The following HUWE1 variants were observed in gnomAD, a reference collection of about 807,000 sequenced individuals.
HUWE1 encodes the protein E3 ubiquitin-protein ligase HUWE1.
A neutral mutation model predicts 299.4 loss-of-function variants in HUWE1; 18 were observed. The observed-to-expected ratio is 0.06, with a 90% CI of 0.04 to 0.09. HUWE1 has a LOEUF of 0.09. HUWE1 is among the 10% of genes least tolerant of loss of function. The pLI is 1.00. For synonymous variants in HUWE1, 1,317 were observed against 1,286.1 expected, an observed-to-expected ratio of 1.02 and a Z score of -0.51; for missense variants, 1,832 against 3,462.3, an observed-to-expected ratio of 0.53 and a Z score of 11.82.
chrX:53,549,708 T>C (rs1244526410), intron 66 of HUWE1, among the ~76,000 whole-genome samples: 2 of 110,359 alleles, frequency 1.8e-5, no homozygotes, highest in Non-Finnish European at 3.8e-5. Context: ...CTGTACATCA[T>C]CCTTTCAGGG....
At chrX:53,675,487 A>G (rs782022563) in intron 3 of HUWE1, among the ~76,000 whole-genome samples, 17 of 111,579 alleles carry the variant, frequency 1.5e-4, no homozygotes, top group Non-Finnish European at 2.8e-4. Flanking sequence ...AGAAATGATG[A>G]CACAAAGGAA....
intron 31 of HUWE1, among the ~76,000 whole-genome samples, chrX:53,593,835 A>T (rs1226436327): frequency 8.9e-6 from 1 of 112,230 alleles, no homozygotes; most frequent in African/African-American, 3.2e-5. Flanking sequence ...GCGGTGGCTC[A>T]CGCCTGTAAT....
intron 19 of HUWE1, among the ~76,000 whole-genome samples, chrX:53,620,386 G>A (rs2066069349): frequency 9.1e-6 from 1 of 109,929 alleles, no homozygotes; most frequent in African/African-American, 3.3e-5. Flanking sequence ...TTCCTGAGTA[G>A]CGCACCAGCA....
intron 67 of HUWE1, 82 bp from the exon 68 acceptor site, chrX:53,548,355 T>A: frequency 9.3e-7 from 1 of 1,076,749 alleles, no homozygotes; most frequent in Non-Finnish European, 1.3e-6. Context: ...AGACAACTGG[T>A]TCCCAGACTC....
At chrX:53,649,872 A>C (rs1320223628) in intron 4 of HUWE1, among the ~76,000 whole-genome samples, 1 of 112,395 alleles carries the variant, frequency 8.9e-6, no homozygotes, top group Non-Finnish European at 1.9e-5. Context: ...TATGTCCCAT[A>C]ACCAGGCATT....
chrX:53,590,936 G>C, intron 34 of HUWE1, 64 bp downstream of exon 34: 3 of 1,180,450 alleles, frequency 2.5e-6, no homozygotes, highest in Non-Finnish European at 2.3e-6. Flanking sequence ...GAATAATAAG[G>C]GGAAAAAGGA....
intron 49 of HUWE1, among the ~76,000 whole-genome samples, chrX:53,567,661 T>C (rs1241978987): frequency 8.9e-6 from 1 of 112,257 alleles, no homozygotes; most frequent in East Asian, 2.8e-4. Context: ...AGAAAGCTTT[T>C]ATTCATAAGC....
At chrX:53,593,631 A>G (rs782066113) in intron 31 of HUWE1, 30 bp from the exon 32 acceptor site, 1 of 1,107,085 alleles carries the variant, frequency 9.0e-7, no homozygotes, top group East Asian at 3.0e-5. Context: ...AGTAGACAGA[A>G]TATTAGTATT....
intron 53 of HUWE1, 72 bp from the exon 54 acceptor site, chrX:53,562,316 G>A: frequency 8.7e-7 from 1 of 1,146,216 alleles, no homozygotes. Flanking sequence ...AGGCCAGCAG[G>A]CTGAGTGGGA....
rs2061748794 is a variant in HUWE1 at position 53,551,197 on chromosome X, G to A, written c.9097-8C>T. ...TCTCTGCTGTGCCAGTACCTATGGA[G>A]CAGAAAAAGTCAATGAGGGCATTTC... is the stretch of plus-strand genomic sequence containing the variant. On this transcript the variant is annotated splice_polypyrimidine_tract_variant and splice_region_variant and intron_variant, in intron 64 of 83. Coordinates refer to ENST00000262854, the MANE Select transcript of HUWE1 (RefSeq NM_031407.7). 2.5e-6 allele frequency: 3 copies of A among 1,211,727 alleles called. No individual in the cohort carries two copies. The highest frequency in any genetic ancestry group is 3.4e-6 in the Non-Finnish European group (3 of 895,447).
In HUWE1 at chrX:53,631,012, C is replaced by T; in HGVS notation, c.785G>A (p.Arg262Gln). ...GTGATTAGAAAAGCCATGGGCCAGT[C>T]GTATGTGTGTAAATAACAGCATCTG... ...DKQMLLFTHI[R>Q]LAHGFSNHRK... Residue 262 changes from arginine (R) to glutamine (Q), a missense_variant, in exon 12 of 84, where the codon CGA (arginine) becomes CAA (glutamine). This residue lies in a region of HUWE1 where 658 missense variants were observed against 1,282.6 expected (regional missense o/e 0.51). Coordinates refer to ENST00000262854, the MANE Select transcript of HUWE1 (RefSeq NM_031407.7). 2 of 1,181,365 alleles carry T rather than the reference C, an allele frequency of 1.7e-6. No individual in the cohort carries two copies. The highest frequency in any genetic ancestry group is 2.3e-6 in the Non-Finnish European group (2 of 868,085).
At position 53,589,694 on chromosome X, in the gene HUWE1, A is replaced by C; in HGVS notation, c.4314T>G (p.Thr1438=). ...AGCCTGGCAACATAGTATCTGTGAA[A>C]GTGTGGAGCTCATCTTGTTCCAACG... The part of the protein sequence containing the change: ...ADPLEQDELH[T]FTDTMLPGCF... Residue 1438 remains threonine, a synonymous_variant, in exon 36 of 84, where the codon ACT becomes ACG. Coordinates refer to ENST00000262854, the MANE Select transcript of HUWE1 (RefSeq NM_031407.7). The C allele has an allele frequency of 8.3e-7, 1 of 1,211,768 alleles. No individual in the cohort carries two copies. Among genetic ancestry groups the C allele is most frequent in the Non-Finnish European group, 1.1e-6 (1 of 895,484 alleles).
At chrX:53,630,418 G>A (rs974713272) in intron 12 of HUWE1, among the ~76,000 whole-genome samples, 1 of 111,556 alleles carries the variant, frequency 9.0e-6, no homozygotes, top group South Asian at 3.8e-4. Flanking sequence ...AATATTAAAC[G>A]AATAAGCTGA....
intron 23 of HUWE1, among the ~76,000 whole-genome samples, chrX:53,611,536 T>C (rs2065470466): frequency 8.9e-6 from 1 of 111,790 alleles, no homozygotes; most frequent in Non-Finnish European, 1.9e-5. Context: ...AAACTGGAAA[T>C]GTAAAATCTG....
chrX:53,588,122 G>A (rs782055542), intron 37 of HUWE1, among the ~76,000 whole-genome samples: 1 of 111,057 alleles, frequency 9.0e-6, no homozygotes, highest in African/African-American at 3.3e-5. Flanking sequence ...ATTAATGCTT[G>A]TTCTCAGAAG....
chrX:53,584,397 A>C, intron 40 of HUWE1, 52 bp from the exon 41 acceptor site: 3 of 990,349 alleles, frequency 3.0e-6, no homozygotes, highest in Non-Finnish European at 4.3e-6. Context: ...TGAATTATAA[A>C]GGTGGGGGAG....
intron 19 of HUWE1, among the ~76,000 whole-genome samples, chrX:53,619,828 G>A (rs414923): frequency 0.34 from 37,653 of 110,626 alleles, 5,674 homozygotes; most frequent in South Asian, 0.51. Flanking sequence ...AGAGAGTAAA[G>A]GAAGGCAGAA....
At chrX:53,584,750 A>G (rs781983831) in intron 40 of HUWE1, among the ~76,000 whole-genome samples, 39 of 112,128 alleles carry the variant, frequency 3.5e-4, no homozygotes, top group African/African-American at 1.0e-3. Flanking sequence ...ATGCTGGTTC[A>G]GAAAGAAGAA....
chrX:53,673,031 G>A (rs1347552994), intron 3 of HUWE1, among the ~76,000 whole-genome samples: 1 of 111,910 alleles, frequency 8.9e-6, no homozygotes, highest in Non-Finnish European at 1.9e-5. Context: ...GAGTTAACAA[G>A]AAAATGAGCA....
Sources: allele counts gnomAD v4.1 joint callset (sites outside exome capture counted in the v4.1 genomes callset), GRCh38; gene constraint gnomAD v4.1.1; regional missense constraint gnomAD v4.1.1; transcripts MANE v1.5; gene names NCBI Gene and HGNC (gene_info 2026-07-23, HGNC 2026-07-21).